The following MAPK10 variants were observed in gnomAD, a reference collection of about 807,000 sequenced individuals.
The protein encoded by MAPK10 is JNK3 alpha protein kinase.
In MAPK10, 25 loss-of-function variants were observed where a neutral mutation model predicts 59.3. The ratio of observed to expected loss-of-function variants is 0.42; its 90% CI spans 0.31 to 0.59. The LOEUF (loss-of-function observed/expected upper bound fraction) is 0.59, where lower values mean the gene tolerates loss of function less well. Among genes scored for constraint, MAPK10 ranks in the 20% least tolerant of loss-of-function variants. MAPK10 has a pLI of 0.15. For missense variants in MAPK10, 351 were observed against 568.9 expected, an observed-to-expected ratio of 0.62 and a Z score of 3.90; for synonymous variants, 190 against 200.5, an observed-to-expected ratio of 0.95 and a Z score of 0.44.
chr4:86,192,476 A>G (rs988073512), intron 3 of MAPK10: 1 of 151,524 alleles, frequency 6.6e-6, no homozygotes, highest in Non-Finnish European at 1.5e-5. Flanking sequence ...ATTCTTTTTC[A>G]TTCTTTTTTC....
At chr4:86,030,284 G>C (rs574424307) in intron 12 of MAPK10, among the ~76,000 whole-genome samples, 1 of 151,886 alleles carries the variant, frequency 6.6e-6, no homozygotes, top group Non-Finnish European at 1.5e-5. Flanking sequence ...TGGACCAGTG[G>C]AATCTCTTTA....
At chr4:86,102,338 G>A in intron 6 of MAPK10, 1 of 248,644 alleles carries the variant, frequency 4.0e-6, no homozygotes, top group Non-Finnish European at 7.8e-6. Flanking sequence ...TTTCAAATAA[G>A]AAAAAAATTA....
At chr4:86,256,883 G>GGCGCCCGCCATTGCGCCCGCCATT (rs376706235) in intron 2 of MAPK10, among the ~76,000 whole-genome samples, 1 of 76,062 alleles carries the variant, frequency 1.3e-5, no homozygotes, top group Non-Finnish European at 2.4e-5. Flanking sequence ...TGGGACTACA[G>GGCGCCCGCCATTGCGCCCGCCATT]GCGCCCGCCA....
intron 9 of MAPK10, among the ~76,000 whole-genome samples, chr4:86,071,494 T>G (rs1345644430): frequency 1.4e-5 from 2 of 145,250 alleles, no homozygotes; most frequent in African/African-American, 5.3e-5. Flanking sequence ...TGGTAATGCC[T>G]AGGTTTTCTT....
intron 1 of MAPK10, among the ~76,000 whole-genome samples, chr4:86,380,869 A>AAAC (rs1740594401): frequency 2.6e-5 from 4 of 151,746 alleles, no homozygotes; most frequent in South Asian, 2.1e-4. Flanking sequence ...TAAAAAAAAA[A>AAAC]AAAAAACACT....
chr4:86,042,242 G>A (rs760099690), intron 11 of MAPK10, among the ~76,000 whole-genome samples: 28 of 152,228 alleles, frequency 1.8e-4, no homozygotes, highest in Middle Eastern at 3.4e-3. Context: ...CAAACACTGC[G>A]TGTTCTCACT....
chr4:86,208,659 A>T (rs1423064714), intron 2 of MAPK10, among the ~76,000 whole-genome samples: 1 of 151,726 alleles, frequency 6.6e-6, no homozygotes, highest in African/African-American at 2.4e-5. Context: ...AACCGGAAGC[A>T]CTCCCTTTGA....
At chr4:86,147,215 T>C (rs2065225055) in intron 4 of MAPK10, among the ~76,000 whole-genome samples, 1 of 151,354 alleles carries the variant, frequency 6.6e-6, no homozygotes, top group African/African-American at 2.4e-5. Context: ...GCCGCAGGAG[T>C]CGCTGACACC....
chr4:86,352,956 A>G (rs150888342), intron 2 of MAPK10, among the ~76,000 whole-genome samples: 31 of 152,314 alleles, frequency 2.0e-4, no homozygotes, highest in Admixed American at 5.2e-4. Flanking sequence ...GCTTCAGCAT[A>G]GTAAATGATA....
intron 1 of MAPK10, among the ~76,000 whole-genome samples, chr4:86,447,717 G>T (rs1750205115): frequency 6.6e-6 from 1 of 150,832 alleles, no homozygotes; most frequent in Non-Finnish European, 1.5e-5. Context: ...TATATATTTT[G>T]TTTTTCTACA....
At chr4:86,289,301 C>T (rs2095141863) in intron 2 of MAPK10, among the ~76,000 whole-genome samples, 2 of 151,998 alleles carry the variant, frequency 1.3e-5, no homozygotes, top group South Asian at 4.2e-4. Context: ...TTTTGTTGGA[C>T]ATGGTAAGGA....
intron 2 of MAPK10, chr4:86,332,806 G>C (rs1652656921): frequency 6.6e-6 from 1 of 152,188 alleles, no homozygotes; most frequent in African/African-American, 2.4e-5. Flanking sequence ...CTCCATTTAT[G>C]GCTGGTTAAA....
chr4:86,428,702 C>G (rs1184874886), intron 1 of MAPK10, among the ~76,000 whole-genome samples: 1 of 152,068 alleles, frequency 6.6e-6, no homozygotes, highest in African/African-American at 2.4e-5. Context: ...TATCAGAGTC[C>G]TTCCACAATG....
intron 2 of MAPK10, among the ~76,000 whole-genome samples, chr4:86,289,341 T>C (rs2095143198): frequency 6.6e-6 from 1 of 152,078 alleles, no homozygotes; most frequent in Non-Finnish European, 1.5e-5. Flanking sequence ...GGATGCAAAA[T>C]CAGGGAAGAG....
rs955344472 is a variant in MAPK10, at chr4:86,017,098, T to G, written c.*130A>C. 1.3e-5 allele frequency: 13 copies of G among 1,023,048 alleles called. No individual in the cohort carries two copies. In the African/African-American group the frequency reaches 2.1e-4, roughly 16 times the overall value. 63.4% of individuals were successfully genotyped at this position (1,023,048 alleles called of 1,614,324 possible). A position where few individuals can be genotyped will look rare whatever the true frequency, so the allele number is the denominator to read the frequency against. On this transcript the variant is annotated 3_prime_UTR_variant, in exon 14 of 14. Transcript: ENST00000641462. The surrounding 1 kb of genome is among the most constrained non-coding windows in gnomAD (Gnocchi z 4.4). ...CTGAAAGATTTATTTAATTTTAGGC[T>G]TGGATTCTCTCCCTTGCTGTTTTCT...
chr4:86,535,484 C>A (rs1275816008), intron 1 of MAPK10, among the ~76,000 whole-genome samples: 1 of 152,188 alleles, frequency 6.6e-6, no homozygotes, highest in African/African-American at 2.4e-5. Flanking sequence ...TAGCTCACTG[C>A]AGCCCTAAAC....
At chr4:86,346,678 G>A (rs1164194194) in intron 2 of MAPK10, among the ~76,000 whole-genome samples, 4 of 149,950 alleles carry the variant, frequency 2.7e-5, no homozygotes, top group South Asian at 2.1e-4. Flanking sequence ...TCAGCCCTCC[G>A]TATCTGGAGG....
At chr4:86,238,503 G>C (rs1345645101) in intron 2 of MAPK10, among the ~76,000 whole-genome samples, 1 of 151,946 alleles carries the variant, frequency 6.6e-6, no homozygotes, top group Non-Finnish European at 1.5e-5. Context: ...TCCTCTGTTT[G>C]TTTCCTCTCT....
At chr4:86,320,124 T>A (rs2095860839) in intron 2 of MAPK10, among the ~76,000 whole-genome samples, 1 of 152,238 alleles carries the variant, frequency 6.6e-6, no homozygotes, top group African/African-American at 2.4e-5. Flanking sequence ...TAAGTGGCTG[T>A]ATGACCTTAG....
Sources: allele counts gnomAD v4.1 joint callset (sites outside exome capture counted in the v4.1 genomes callset), GRCh38; gene constraint gnomAD v4.1.1; non-coding constraint Gnocchi (gnomAD v3.1); transcripts MANE v1.5; gene names NCBI Gene and HGNC (gene_info 2026-07-23, HGNC 2026-07-21).